Variants in GPALPP1 observed in about 807,000 individuals in gnomAD.
GPALPP1 encodes GPALPP motifs containing 1.
Under a neutral mutation model 38.9 loss-of-function variants are expected in GPALPP1, and 30 were observed. That is an observed-to-expected ratio of 0.77 (90% CI 0.58 to 1.05). The LOEUF (loss-of-function observed/expected upper bound fraction) is 1.05, where lower values mean the gene tolerates loss of function less well. GPALPP1 is among the 50% of genes least tolerant of loss of function. GPALPP1 has a pLI of 0.00. For synonymous variants in GPALPP1, 120 were observed against 139.2 expected (o/e 0.86, Z 0.97); for missense variants, 384 against 408.8 (o/e 0.94, Z 0.52).
chr13:45,024,383 T>A (rs1264764444), intron 7 of GPALPP1, among the ~76,000 whole-genome samples: 1 of 151,636 alleles, frequency 6.6e-6, no homozygotes, highest in African/African-American at 2.4e-5. Context: ...TACTGCAGTC[T>A]CCACCTCCTG....
chr13:45,006,416 C>T, intron 3 of GPALPP1, 113 bp downstream of exon 3: 1 of 568,644 alleles, frequency 1.8e-6, no homozygotes, highest in South Asian at 3.2e-5. Flanking sequence ...ATTTATATAA[C>T]ATTTTGAAAT....
intron 7 of GPALPP1, among the ~76,000 whole-genome samples, chr13:45,025,421 A>G (rs1875763957): frequency 6.6e-6 from 1 of 152,172 alleles, no homozygotes; most frequent in Non-Finnish European, 1.5e-5. Flanking sequence ...TGGAAATAAG[A>G]TCTTTCCAAG....
chr13:45,007,435 T>A (rs1485776054), intron 3 of GPALPP1, among the ~76,000 whole-genome samples: 2 of 152,214 alleles, frequency 1.3e-5, no homozygotes, highest in Non-Finnish European at 2.9e-5. Flanking sequence ...TATATACCAG[T>A]AATTTTATCA....
intron 1 of GPALPP1, among the ~76,000 whole-genome samples, chr13:44,994,298 C>T (rs909816866): frequency 2.7e-5 from 4 of 150,876 alleles, no homozygotes; most frequent in Admixed American, 6.6e-5. Context: ...AATGCCCTCT[C>T]GCGGCCGGGC....
intron 3 of GPALPP1, among the ~76,000 whole-genome samples, chr13:45,007,658 G>A (rs994272848): frequency 6.6e-6 from 1 of 152,190 alleles, no homozygotes; most frequent in African/African-American, 2.4e-5. Context: ...TAAATGGTCA[G>A]GATGGGAACC....
chr13:45,004,546 G>A, intron 2 of GPALPP1, 109 bp downstream of exon 2: 1 of 657,088 alleles, frequency 1.5e-6, no homozygotes, highest in Non-Finnish European at 2.6e-6. Flanking sequence ...ATACAGCACA[G>A]GGAGAAATCA....
At chr13:45,007,934 T>G (rs1346813627) in intron 3 of GPALPP1, among the ~76,000 whole-genome samples, 4 of 152,242 alleles carry the variant, frequency 2.6e-5, no homozygotes, top group African/African-American at 2.4e-5. Context: ...TGTCTCCTTT[T>G]AAGACCCAGT....
chr13:44,989,538 G>A lies in GPALPP1; in HGVS notation c.-117G>A. 1.3e-6 allele frequency: 2 copies of A among 1,515,500 alleles called. No individual in the cohort carries two copies. The highest frequency in any genetic ancestry group is 1.8e-6 in the Non-Finnish European group (2 of 1,100,198). The allele number at this position is 1,515,500 out of a possible 1,614,324, so 93.9% of individuals were successfully genotyped here. A position where few individuals can be genotyped will look rare whatever the true frequency, so the allele number is the denominator to read the frequency against. On this transcript the variant is annotated 5_prime_UTR_variant, in exon 1 of 8. Coordinates refer to ENST00000379151, the MANE Select transcript of GPALPP1 (RefSeq NM_018559.5). Reference sequence around the variant, plus strand: ...AGGCTCAGCCAACCACAGGCTTTACGTCATTTCTCGGCGCCGGGAAACCTG... The same window carrying A: ...AGGCTCAGCCAACCACAGGCTTTACATCATTTCTCGGCGCCGGGAAACCTG...
chr13:44,993,754 A>C (rs1168464837), intron 1 of GPALPP1, among the ~76,000 whole-genome samples: 1 of 150,304 alleles, frequency 6.7e-6, no homozygotes, highest in Non-Finnish European at 1.5e-5. Flanking sequence ...CATTCCCACT[A>C]GCACTGTACA....
chr13:45,001,806 T>G (rs1593387225), intron 1 of GPALPP1: 1 of 152,402 alleles, frequency 6.6e-6, no homozygotes, highest in African/African-American at 2.4e-5. Flanking sequence ...CTCAGCCTCC[T>G]GAGTAGCTGG....
chr13:45,000,199 T>C (rs1377715717), intron 1 of GPALPP1, among the ~76,000 whole-genome samples: 2 of 152,180 alleles, frequency 1.3e-5, no homozygotes, highest in Non-Finnish European at 2.9e-5. Flanking sequence ...GGAAGATCAC[T>C]TGAGGCCAAG....
chr13:45,007,355 T>C (rs1014717385), intron 3 of GPALPP1, among the ~76,000 whole-genome samples: 2 of 152,202 alleles, frequency 1.3e-5, no homozygotes, highest in Non-Finnish European at 2.9e-5. Flanking sequence ...GCATTATATA[T>C]TGGAGTTAGA....
chr13:45,019,258 G>A (rs1174930515), intron 6 of GPALPP1, among the ~76,000 whole-genome samples: 1 of 150,934 alleles, frequency 6.6e-6, no homozygotes, highest in African/African-American at 2.4e-5. Context: ...AGCAATTCTT[G>A]TGCCTCAGCC....
intron 7 of GPALPP1, among the ~76,000 whole-genome samples, chr13:45,027,010 C>A (rs764302257): frequency 3.3e-5 from 5 of 152,104 alleles, no homozygotes. Flanking sequence ...AGTAGAGAAT[C>A]ATGGAAAAAT....
At chr13:45,012,095 T>C (rs1035972965) in intron 4 of GPALPP1, among the ~76,000 whole-genome samples, 58 of 152,130 alleles carry the variant, frequency 3.8e-4, no homozygotes, top group African/African-American at 1.4e-3. Context: ...GAGAACCCAG[T>C]CATAAACCCT....
rs769827322 is a variant in GPALPP1 at position 44,989,737 on chromosome 13, G to C, written c.83G>C (p.Ser28Thr). The C allele has an allele frequency of 1.2e-6, 2 of 1,606,938 alleles. No homozygotes were observed. The highest frequency in any genetic ancestry group is 1.7e-6 in the Non-Finnish European group (2 of 1,178,680). ...GTAEDEERDP[S>T]PVAGPALPPN... is the part of the protein sequence containing the mutation. ...GCGGAGGACGAAGAGCGGGACCCGA[G>C]CCCTGGTAAGCGGCGGCGTCTCCGC... Residue 28 changes from serine (S) to threonine (T), a missense_variant, in exon 1 of 8, where the codon AGC becomes ACC. Transcript: ENST00000379151.
intron 6 of GPALPP1, among the ~76,000 whole-genome samples, chr13:45,019,265 A>G (rs923776489): frequency 6.6e-6 from 1 of 151,468 alleles, no homozygotes; most frequent in Non-Finnish European, 1.5e-5. Context: ...CTTGTGCCTC[A>G]GCCTCCTGAA....
chr13:45,006,003 G>T (rs1232655478), intron 2 of GPALPP1, among the ~76,000 whole-genome samples, 199 bp from the exon 3 acceptor site: 1 of 148,650 alleles, frequency 6.7e-6, no homozygotes, highest in South Asian at 2.2e-4. Flanking sequence ...TCCAGCCTGG[G>T]CAACAAGGCA....
intron 1 of GPALPP1, among the ~76,000 whole-genome samples, chr13:44,991,458 G>A (rs1340439115): frequency 1.3e-5 from 2 of 151,338 alleles, no homozygotes; most frequent in South Asian, 2.1e-4. Context: ...AAAAAAAAAA[G>A]AAAAAGATTC....
Sources: allele counts gnomAD v4.1 joint callset (sites outside exome capture counted in the v4.1 genomes callset), GRCh38; gene constraint gnomAD v4.1.1; transcripts MANE v1.5; gene names NCBI Gene and HGNC (gene_info 2026-07-23, HGNC 2026-07-21).